HIVEP1: variants seen among roughly 807,000 people sequenced by gnomAD.
The protein encoded by HIVEP1 is HIVEP zinc finger 1.
Under a neutral mutation model 180.0 loss-of-function variants are expected in HIVEP1, and 36 were observed. The ratio of observed to expected loss-of-function variants is 0.20; its 90% CI spans 0.15 to 0.26. The LOEUF is 0.26. Ranked by LOEUF, HIVEP1 falls within the 10% of genes least tolerant of loss-of-function variation. The pLI, the probability that HIVEP1 is intolerant of heterozygous loss-of-function variation, is 1.00. For synonymous variants in HIVEP1, 1,239 were observed against 1,239.0 expected (o/e 1.00, Z 0.00); for missense variants, 3,143 against 3,268.7 (o/e 0.96, Z 0.94).
intron 2 of HIVEP1, among the ~76,000 whole-genome samples, chr6:12,043,964 G>C (rs1027846247): frequency 6.7e-6 from 1 of 149,812 alleles, no homozygotes; most frequent in African/African-American, 2.5e-5. Flanking sequence ...TCTCGGGTGT[G>C]GAGGAGTATA....
chr6:12,209,208 T>C, the HIVEP1 span, among the ~76,000 whole-genome samples: 1 of 152,176 alleles, frequency 6.6e-6, no homozygotes, highest in Non-Finnish European at 1.5e-5. Flanking sequence ...AATTTTTCTC[T>C]ATATCACAAG....
Position 12,123,541 on chromosome 6 carries a change from C to T in HIVEP1, c.3746C>T (p.Ala1249Val), listed in dbSNP as rs775424798. The T allele has an allele frequency of 6.2e-7, 1 of 1,614,134 alleles. No homozygotes were observed. Among genetic ancestry groups the T allele is most frequent in the South Asian group, 1.1e-5 (1 of 91,086 alleles). ...GAAGAACCAGATCGAGACCTGGAAG[C>T]TCAATGCCATGATCAAGAAAAGTCA... is the stretch of plus-strand genomic sequence containing the variant. ...VTEEPDRDLE[A>V]QCHDQEKSEK... Residue 1249 changes from alanine (A) to valine (V), a missense_variant, in exon 4 of 9, where the codon GCT (alanine) becomes GTT (valine). Ala to Val is a moderately conservative substitution (Grantham distance 64, BLOSUM62 0). Coordinates refer to ENST00000379388, the MANE Select transcript of HIVEP1 (RefSeq NM_002114.4).
chr6:12,121,705 C>G lies in HIVEP1; in HGVS notation c.1910C>G (p.Ser637Cys), dbSNP rs369522683. 7.2e-5 allele frequency: 116 copies of G among 1,614,218 alleles called. No individual in the cohort carries two copies. In the African/African-American group the frequency reaches 1.4e-3, roughly 20 times the overall value. Reference protein sequence around the residue: ...DMNPLEGKQDSHVGTVHAQLQ... With the variant: ...DMNPLEGKQDCHVGTVHAQLQ... ...AATCCACTGGAAGGAAAGCAAGACT[C>G]TCACGTAGGAACGGTACACGCCCAG... The change falls in exon 4 of 9, where the codon TCT becomes TGT. Residue 637 changes from serine to cysteine, a missense_variant. Coordinates refer to ENST00000379388, the MANE Select transcript of HIVEP1 (RefSeq NM_002114.4). This position sits in a 1 kb window ranked among gnomAD's most constrained non-coding sequence, Gnocchi z 5.3.
intron 2 of HIVEP1, among the ~76,000 whole-genome samples, chr6:12,071,925 T>C (rs1315417169): frequency 6.6e-6 from 1 of 152,216 alleles, no homozygotes; most frequent in Non-Finnish European, 1.5e-5. Context: ...AACAATTATC[T>C]TTTGAAGAAC....
intron 7 of HIVEP1, among the ~76,000 whole-genome samples, chr6:12,152,939 G>C (rs220021): frequency 6.6e-6 from 1 of 152,048 alleles, no homozygotes; most frequent in South Asian, 2.1e-4. Context: ...TAGTTTTTAC[G>C]TACATAAAAA....
At chr6:12,209,157 T>A in the HIVEP1 span, among the ~76,000 whole-genome samples, 1 of 152,202 alleles carries the variant, frequency 6.6e-6, no homozygotes, top group Non-Finnish European at 1.5e-5. Context: ...ACCATCCACC[T>A]CCTACCATCC....
At chr6:12,149,673 C>T (rs911706470) in intron 7 of HIVEP1, among the ~76,000 whole-genome samples, 3 of 152,156 alleles carry the variant, frequency 2.0e-5, no homozygotes, top group Admixed American at 1.3e-4. Flanking sequence ...AAGGTTTTCT[C>T]CATATTTCTT....
rs528679690 is a variant in HIVEP1, at chr6:12,015,449, T to C, written c.-103-77T>C. On this transcript the variant is annotated intron_variant, in intron 1 of 8. Transcript: ENST00000379388. ...TTTTCTTGAGTTTAGGTTAGTGCTC[T>C]GCTAGGCAGTAACTTTTAAAGTATC... The C allele has an allele frequency of 3.0e-5, 17 of 571,218 alleles. No individual in the cohort carries two copies. The East Asian group carries it at 3.6e-4, about 12-fold the overall frequency. The allele number at this position is 571,218 out of a possible 1,614,324, so 35.4% of individuals were successfully genotyped here. A position where few individuals can be genotyped will look rare whatever the true frequency, so the allele number is the denominator to read the frequency against.
At chr6:12,099,742 A>T (rs1367736797) in intron 3 of HIVEP1, among the ~76,000 whole-genome samples, 4 of 152,046 alleles carry the variant, frequency 2.6e-5, no homozygotes, top group African/African-American at 4.8e-5. Flanking sequence ...TATTGAATCG[A>T]TGATGGATGG....
chr6:12,095,646 G>C (rs1375948042), intron 3 of HIVEP1, among the ~76,000 whole-genome samples: 1 of 151,872 alleles, frequency 6.6e-6, no homozygotes, highest in Non-Finnish European at 1.5e-5. Flanking sequence ...AAAATTTTCT[G>C]AGAATGTAGT....
In HIVEP1 at chr6:12,122,569, G is replaced by T; in HGVS notation, c.2774G>T (p.Gly925Val). 1 of 1,614,174 alleles carries T rather than the reference G, an allele frequency of 6.2e-7. No homozygotes were observed. The highest frequency in any genetic ancestry group is 8.5e-7 in the Non-Finnish European group (1 of 1,180,022). The change falls in exon 4 of 9, where the codon GGA (glycine) becomes GTA (valine). Residue 925 changes from glycine (G) to valine (V), a missense_variant. Gly to Val is a moderately radical substitution (Grantham distance 109, BLOSUM62 -3). This residue lies in a region of HIVEP1 where 204 missense variants were observed against 243.7 expected (regional missense o/e 0.84). Transcript: ENST00000379388. ...TGQSLDESHQ[G>V]CHAAGEAMSV... ...CAGTCCCTGGATGAGAGCCACCAAG[G>T]ATGCCATGCTGCTGGTGAAGCCATG...
chr6:12,062,244 A>G (rs2113756414), intron 2 of HIVEP1, among the ~76,000 whole-genome samples: 1 of 152,310 alleles, frequency 6.6e-6, no homozygotes, highest in South Asian at 2.1e-4. Flanking sequence ...AAAATATTTC[A>G]GAAATTACTT....
At position 12,161,456 on chromosome 6, in the gene HIVEP1, A is replaced by C; in HGVS notation, c.6505A>C (p.Ser2169Arg). The change falls in exon 8 of 9, where the codon AGT becomes CGT. Residue 2169 changes from serine (S) to arginine (R), a missense_variant. Coordinates refer to ENST00000379388, the MANE Select transcript of HIVEP1 (RefSeq NM_002114.4). ...TTTATTAGATGAAAAACAGAGATTC[A>C]GTTATGAGCGATCTGGATATGATCT... Reference protein sequence around the residue: ...TEESDEKQRFSYERSGYDLEE... With the variant: ...TEESDEKQRFRYERSGYDLEE... 3 of 1,610,330 alleles carry C rather than the reference A, an allele frequency of 1.9e-6. No homozygotes were observed. The highest frequency in any genetic ancestry group is 2.5e-6 in the Non-Finnish European group (3 of 1,177,010).
rs771496730 is a variant in HIVEP1, at chr6:12,164,492, A to G, written c.*31A>G. On this transcript the variant is annotated 3_prime_UTR_variant, in exon 9 of 9. Transcript: ENST00000379388. ...TTTATTTTTTATTTGCTTTTTTTTT[A>G]TATAACACTTAAAGGTTTCTTTGAA... is the stretch of plus-strand genomic sequence containing the variant. 6.8e-7 allele frequency: 1 copy of G among 1,480,940 alleles called. No homozygotes were observed. Among genetic ancestry groups the G allele is most frequent in the Non-Finnish European group, 9.2e-7 (1 of 1,092,762 alleles). The allele number at this position is 1,480,940 out of a possible 1,614,324, so 91.7% of individuals were successfully genotyped here.
chr6:12,053,687 T>C (rs1416693429), intron 2 of HIVEP1, among the ~76,000 whole-genome samples: 4 of 152,196 alleles, frequency 2.6e-5, no homozygotes, highest in Admixed American at 1.3e-4. Flanking sequence ...GGCTGTGTAC[T>C]GCTTAAGCTA....
intron 2 of HIVEP1, chr6:12,020,149 C>T: frequency 2.9e-6 from 1 of 348,916 alleles, no homozygotes; most frequent in South Asian, 2.2e-5. Flanking sequence ...GATCTGTATA[C>T]TGTGTAGGAC....
rs1760522065 is a variant in HIVEP1, at chr6:12,163,318, T to G, written c.7014T>G (p.Ala2338=). 1.2e-6 allele frequency: 2 copies of G among 1,614,038 alleles called. No homozygotes were observed. The highest frequency in any genetic ancestry group is 1.7e-5 in the Admixed American group (1 of 59,994). Residue 2338 remains alanine, a synonymous_variant, in exon 9 of 9, where the codon GCT becomes GCG. Coordinates refer to ENST00000379388, the MANE Select transcript of HIVEP1 (RefSeq NM_002114.4). ...CTGTAAGACTTCCTCCTGCTGCAGC[T>G]GAGCACAGCCCCCAGACAGCAGCGG... is the stretch of plus-strand genomic sequence containing the variant. ...PSSVRLPPAA[A]EHSPQTAAGM...
intron 2 of HIVEP1, among the ~76,000 whole-genome samples, chr6:12,035,294 T>C (rs1769203397): frequency 6.6e-6 from 1 of 152,238 alleles, no homozygotes; most frequent in African/African-American, 2.4e-5. Flanking sequence ...AGATAGGACT[T>C]ACTGGAAGTG....
chr6:12,051,024 A>G (rs942040491), intron 2 of HIVEP1, among the ~76,000 whole-genome samples: 1 of 140,496 alleles, frequency 7.1e-6, no homozygotes, highest in Non-Finnish European at 1.5e-5. Context: ...ATATATATAT[A>G]TATATATGTA....
Sources: gnomAD v4.1 joint callset for allele counts (sites outside exome capture counted in the v4.1 genomes callset) on GRCh38, gnomAD v4.1.1 for gene constraint, gnomAD v4.1.1 regional missense constraint, Gnocchi (gnomAD v3.1) non-coding constraint, MANE v1.5 for transcripts, NCBI Gene and HGNC (gene_info 2026-07-23, HGNC 2026-07-21) for gene names.